The following TNFSF4 variants were observed in gnomAD, a reference collection of about 807,000 sequenced individuals.
TNFSF4 encodes the protein tumor necrosis factor ligand superfamily member 4.
Under a neutral mutation model 7.3 loss-of-function variants are expected in TNFSF4, and 4 were observed. The ratio of observed to expected loss-of-function variants is 0.55; its 90% CI spans 0.27 to 1.25. TNFSF4 has a LOEUF of 1.25. TNFSF4 is among the 50% of genes most tolerant of loss of function. TNFSF4 has a pLI of 0.12. For synonymous variants in TNFSF4, 76 were observed against 83.7 expected, an observed-to-expected ratio of 0.91 and a Z score of 0.50; for missense variants, 181 against 208.8, an observed-to-expected ratio of 0.87 and a Z score of 0.82.
chr1:173,213,851 C>A, the TNFSF4 span, among the ~76,000 whole-genome samples: 1 of 152,280 alleles, frequency 6.6e-6, no homozygotes, highest in African/African-American at 2.4e-5. Context: ...TGTTTCTCAA[C>A]TAAGGGTAGA....
chr1:173,249,658 T>C, the TNFSF4 span, among the ~76,000 whole-genome samples: 1 of 151,990 alleles, frequency 6.6e-6, no homozygotes, highest in Non-Finnish European at 1.5e-5. Flanking sequence ...TCTACCTAAT[T>C]CCCAAGCACA....
At chr1:173,421,936 C>A in the TNFSF4 span, among the ~76,000 whole-genome samples, 1 of 152,150 alleles carries the variant, frequency 6.6e-6, no homozygotes, top group South Asian at 2.1e-4. Flanking sequence ...CCAGCCATAT[C>A]TTCCAGTATT....
chr1:173,342,100 G>T, the TNFSF4 span, among the ~76,000 whole-genome samples: 5 of 152,124 alleles, frequency 3.3e-5, no homozygotes, highest in African/African-American at 7.2e-5. Context: ...CTACTGCAAG[G>T]GGGGAGGGGA....
At chr1:173,390,447 T>C in the TNFSF4 span, among the ~76,000 whole-genome samples, 1 of 152,210 alleles carries the variant, frequency 6.6e-6, no homozygotes, top group Non-Finnish European at 1.5e-5. Flanking sequence ...TTTGTATAAA[T>C]TCAACTATGC....
the TNFSF4 span, among the ~76,000 whole-genome samples, chr1:173,354,542 G>A: frequency 3.9e-5 from 6 of 152,072 alleles, no homozygotes; most frequent in African/African-American, 1.4e-4. Context: ...AACAAAAAAA[G>A]GAAATCTCAG....
chr1:173,206,620 TG>T (rs1650204235), intron 1 of TNFSF4, among the ~76,000 whole-genome samples: 1 of 152,228 alleles, frequency 6.6e-6, no homozygotes, highest in Non-Finnish European at 1.5e-5. Context: ...ATGAATATTA[TG>T]GGAAAGTGGA....
At chr1:173,174,921 A>G in the TNFSF4 span, among the ~76,000 whole-genome samples, 5 of 152,238 alleles carry the variant, frequency 3.3e-5, no homozygotes, top group African/African-American at 1.2e-4. Context: ...CCACTTGGTA[A>G]TAATGTAAAA....
At chr1:173,181,652 A>G (rs1204104553), downstream of TNFSF4, among the ~76,000 whole-genome samples, 2 of 152,172 alleles carry the variant, frequency 1.3e-5, no homozygotes, top group African/African-American at 2.4e-5. Context: ...CCCTCCCTGA[A>G]TGCTACTCCA....
At chr1:173,281,597 A>T in the TNFSF4 span, among the ~76,000 whole-genome samples, 4 of 152,314 alleles carry the variant, frequency 2.6e-5, no homozygotes, top group Admixed American at 2.0e-4. Flanking sequence ...ATGCTTACAT[A>T]AGAAAGCTAT....
downstream of TNFSF4, among the ~76,000 whole-genome samples, chr1:173,179,489 T>C (rs1649013603): frequency 6.6e-6 from 1 of 152,214 alleles, no homozygotes; most frequent in African/African-American, 2.4e-5. Flanking sequence ...TTTCACCCCT[T>C]GTCGACTTGA....
chr1:173,437,954 C>T, the TNFSF4 span, among the ~76,000 whole-genome samples: 1 of 152,176 alleles, frequency 6.6e-6, no homozygotes, highest in African/African-American at 2.4e-5. Context: ...ATTCCCATCA[C>T]ACCTGCCCCT....
At chr1:173,316,785 C>A in the TNFSF4 span, among the ~76,000 whole-genome samples, 1 of 151,976 alleles carries the variant, frequency 6.6e-6, no homozygotes, top group African/African-American at 2.4e-5. Flanking sequence ...GAAATTTTTA[C>A]AAGGTCATAT....
the TNFSF4 span, among the ~76,000 whole-genome samples, chr1:173,406,514 A>G: frequency 6.6e-6 from 1 of 152,202 alleles, no homozygotes; most frequent in Non-Finnish European, 1.5e-5. Context: ...TTTTGCCTTC[A>G]TGGACCCCTT....
the TNFSF4 span, among the ~76,000 whole-genome samples, chr1:173,388,715 ATTAT>A: frequency 2.0e-5 from 3 of 152,250 alleles, no homozygotes; most frequent in Non-Finnish European, 4.4e-5. Context: ...ACAAAACATA[ATTAT>A]TTTTCATGTA....
the TNFSF4 span, among the ~76,000 whole-genome samples, chr1:173,286,063 C>G: frequency 6.6e-6 from 1 of 152,240 alleles, no homozygotes; most frequent in South Asian, 2.1e-4. Context: ...TTACACCTAA[C>G]AAAGTAGCTT....
chr1:173,246,355 G>A, the TNFSF4 span, among the ~76,000 whole-genome samples: 4 of 151,964 alleles, frequency 2.6e-5, no homozygotes, highest in Non-Finnish European at 4.4e-5. Context: ...CCCTCCCTGT[G>A]TCCATGTGTT....
At chr1:173,179,981 C>T (rs186515438), downstream of TNFSF4, among the ~76,000 whole-genome samples, 2 of 152,302 alleles carry the variant, frequency 1.3e-5, no homozygotes, top group East Asian at 1.9e-4. Flanking sequence ...CAGACCTTAA[C>T]TTAAATGTCA....
chr1:173,272,771 C>G, the TNFSF4 span, among the ~76,000 whole-genome samples: 1 of 152,156 alleles, frequency 6.6e-6, no homozygotes. Flanking sequence ...TGGACCACTT[C>G]CACTTCTCGA....
chr1:173,325,957 T>C, the TNFSF4 span, among the ~76,000 whole-genome samples: 2 of 152,196 alleles, frequency 1.3e-5, no homozygotes, highest in African/African-American at 4.8e-5. Flanking sequence ...GCTGGTACCA[T>C]TCCTTCTAAA....
Sources: gnomAD v4.1 joint callset for allele counts (sites outside exome capture counted in the v4.1 genomes callset) on GRCh38, gnomAD v4.1.1 for gene constraint, MANE v1.5 for transcripts, NCBI Gene and HGNC (gene_info 2026-07-23, HGNC 2026-07-21) for gene names.